The following KITLG variants were observed in gnomAD, a reference collection of about 807,000 sequenced individuals.
KITLG encodes c-Kit ligand.
In KITLG, 13 loss-of-function variants were observed where a neutral mutation model predicts 34.1. That is an observed-to-expected ratio of 0.38 (90% CI 0.25 to 0.61). KITLG has a LOEUF of 0.61. KITLG is among the 20% of genes least tolerant of loss of function. The probability of loss-of-function intolerance (pLI) is 0.60; values close to 1 mark genes in which losing one functional copy is unlikely to be tolerated. For missense variants in KITLG, 292 were observed against 318.9 expected, an observed-to-expected ratio of 0.92 and a Z score of 0.64; for synonymous variants, 110 against 104.0, an observed-to-expected ratio of 1.06 and a Z score of -0.35.
rs552944001 is a variant in KITLG, at chr12:88,564,780, A to T, written c.15+15484T>A. On this transcript the variant is annotated intron_variant, in intron 1 of 9. Transcript: ENST00000644744. The stretch of plus-strand genomic sequence containing the variant: ...AACACAGATCATGCTCTAAGTTTGT[A>T]TCATTTTAAACACTTCAGAATTTTT... Among the ~76,000 whole-genome samples, 4 of 152,146 alleles carry T rather than the reference A, an allele frequency of 2.6e-5. No individual in the cohort carries two copies. In the South Asian group the frequency reaches 8.3e-4, roughly 32 times the overall value.
intron 1 of KITLG, among the ~76,000 whole-genome samples, chr12:88,569,982 G>A (rs1222828866): frequency 6.6e-6 from 1 of 152,030 alleles, no homozygotes. Context: ...AGACATAAAC[G>A]ACATTATTAT....
chr12:88,497,880 G>T (rs1185456101), intron 9 of KITLG, among the ~76,000 whole-genome samples: 1 of 152,178 alleles, frequency 6.6e-6, no homozygotes, highest in African/African-American at 2.4e-5. Context: ...GCAGCAGAAA[G>T]ATTTCGTTCA....
intron 6 of KITLG, among the ~76,000 whole-genome samples, chr12:88,508,409 G>A (rs1468882230): frequency 6.6e-6 from 1 of 152,164 alleles, no homozygotes; most frequent in Non-Finnish European, 1.5e-5. Context: ...AACTTGATAA[G>A]TCAGAAATAG....
At position 88,552,723 on chromosome 12, in the gene KITLG, A is replaced by T. The variant is rs547236900; in HGVS notation, c.16-6858T>A. Reference sequence around the variant, plus strand: ...TTATTTGTTCATGCCTCTGAGTAAGATTCTGTTTAAACAAAGGTTTCCAAG... The same window carrying T: ...TTATTTGTTCATGCCTCTGAGTAAGTTTCTGTTTAAACAAAGGTTTCCAAG... On this transcript the variant is annotated intron_variant, in intron 1 of 9. Coordinates refer to ENST00000644744, the MANE Select transcript of KITLG (RefSeq NM_000899.5). Among the ~76,000 whole-genome samples, 4 of 151,974 alleles carry T rather than the reference A, an allele frequency of 2.6e-5. No homozygotes were observed. In the South Asian group the frequency reaches 8.3e-4, roughly 32 times the overall value.
chr12:88,527,790 C>A (rs1186359099), intron 3 of KITLG, among the ~76,000 whole-genome samples: 2 of 152,188 alleles, frequency 1.3e-5, no homozygotes, highest in East Asian at 3.9e-4. Flanking sequence ...CAAATCATCA[C>A]TTTCGTAGCA....
intron 1 of KITLG, among the ~76,000 whole-genome samples, chr12:88,579,640 A>G (rs1871944759): frequency 6.6e-6 from 1 of 152,086 alleles, no homozygotes; most frequent in Non-Finnish European, 1.5e-5. Context: ...TGGAGGTACT[A>G]GAGCTCTTTA....
At chr12:88,561,031 A>T (rs1871282702) in intron 1 of KITLG, among the ~76,000 whole-genome samples, 1 of 151,544 alleles carries the variant, frequency 6.6e-6, no homozygotes, top group Admixed American at 6.6e-5. Context: ...ACTCATGCAC[A>T]GAGAAGTGGT....
chr12:88,523,418 G>C (rs967101482), intron 3 of KITLG, among the ~76,000 whole-genome samples: 26 of 152,298 alleles, frequency 1.7e-4, no homozygotes, highest in South Asian at 4.1e-4. Context: ...ACATAAAACT[G>C]AAGTGTTTTT....
chr12:88,554,248 C>T (rs1222535381), intron 1 of KITLG, among the ~76,000 whole-genome samples: 1 of 152,064 alleles, frequency 6.6e-6, no homozygotes, highest in Non-Finnish European at 1.5e-5. Flanking sequence ...TACCAATCCT[C>T]TAAACTTGGA....
At chr12:88,498,108 A>G (rs1868710866) in intron 9 of KITLG, among the ~76,000 whole-genome samples, 1 of 152,190 alleles carries the variant, frequency 6.6e-6, no homozygotes, top group Non-Finnish European at 1.5e-5. Flanking sequence ...CTTAAAAAAA[A>G]TACATATAGA....
intron 1 of KITLG, among the ~76,000 whole-genome samples, chr12:88,546,767 T>C (rs1303593738): frequency 6.6e-6 from 1 of 152,170 alleles, no homozygotes; most frequent in Non-Finnish European, 1.5e-5. Context: ...ATTGAATATA[T>C]ATTATGCAAC....
At chr12:88,569,735 T>C (rs1871577015) in intron 1 of KITLG, among the ~76,000 whole-genome samples, 1 of 152,204 alleles carries the variant, frequency 6.6e-6, no homozygotes, top group Admixed American at 6.5e-5. Context: ...TTCTGTTGTC[T>C]CCTTTACCTG....
chr12:88,502,817 A>G (rs17423825), intron 9 of KITLG, among the ~76,000 whole-genome samples: 2,698 of 152,216 alleles, frequency 0.018, 79 homozygotes, highest in Admixed American at 0.079. Context: ...TGAGCATTTG[A>G]GCATTTAAGA....
chr12:88,547,947 T>C (rs1319376631), intron 1 of KITLG, among the ~76,000 whole-genome samples: 1 of 152,098 alleles, frequency 6.6e-6, no homozygotes, highest in African/African-American at 2.4e-5. Context: ...TCAACAAACA[T>C]AAGTAACTAG....
At position 88,493,525 on chromosome 12, in the gene KITLG, T is replaced by C. The variant is rs1175014801; in HGVS notation, c.*3694A>G. ...AGAATTTCAATCTGAATGGTTTTAT[T>C]TTAAAGCCAATTTCAAAATAATATT... On this transcript the variant is annotated 3_prime_UTR_variant, in exon 10 of 10. Coordinates refer to ENST00000644744, the MANE Select transcript of KITLG (RefSeq NM_000899.5). The C allele has an allele frequency of 6.6e-6, 1 of 152,068 alleles. No individual in the cohort carries two copies. Among genetic ancestry groups the C allele is most frequent in the Non-Finnish European group, 1.5e-5 (1 of 67,874 alleles). 9.4% of individuals were successfully genotyped at this position (152,068 alleles called of 1,614,324 possible). A position where few individuals can be genotyped will look rare whatever the true frequency, so the allele number is the denominator to read the frequency against.
chr12:88,500,353 T>G (rs1868804785), intron 9 of KITLG, among the ~76,000 whole-genome samples: 1 of 152,222 alleles, frequency 6.6e-6, no homozygotes, highest in Non-Finnish European at 1.5e-5. Flanking sequence ...AATTCACAAC[T>G]TGTATGAACA....
In KITLG at chr12:88,507,100, G is replaced by A. The variant is rs1441581741; in HGVS notation, c.642C>T (p.His214=). 6.2e-7 allele frequency: 1 copy of A among 1,613,734 alleles called. No individual in the cohort carries two copies. Among genetic ancestry groups the A allele is most frequent in the East Asian group, 2.2e-5 (1 of 44,846 alleles). The part of the protein sequence containing the change: ...AKNPPGDSSL[H]WAAMALPALF... Reference sequence around the variant, plus strand: ...ATGCTGGCAATGCCATGGCTGCCCAGTGTAGGCTGGAGTCTCCAGGGGGAT... The same window carrying A: ...ATGCTGGCAATGCCATGGCTGCCCAATGTAGGCTGGAGTCTCCAGGGGGAT... The change falls in exon 7 of 10, where the codon CAC becomes CAT. Residue 214 remains histidine, a synonymous_variant. Coordinates refer to ENST00000644744, the MANE Select transcript of KITLG (RefSeq NM_000899.5).
In KITLG at chr12:88,524,693, C is replaced by T. The variant is rs924429534; in HGVS notation, c.193-5826G>A. Among the ~76,000 whole-genome samples the T allele has an allele frequency of 5.0e-4, 76 of 152,080 alleles. 1 individual carries two copies. The highest frequency in any genetic ancestry group is 1.8e-3 in the African/African-American group (76 of 41,502). On this transcript the variant is annotated intron_variant, in intron 3 of 9. Transcript: ENST00000644744. Reference sequence around the variant, plus strand: ...ATGGCCTAGATAATCTGAACAGCATCTTAATATAATCACTTATTAGGAAGA... The same window carrying T: ...ATGGCCTAGATAATCTGAACAGCATTTTAATATAATCACTTATTAGGAAGA...
chr12:88,553,802 T>A (rs1428056050), intron 1 of KITLG, among the ~76,000 whole-genome samples: 1 of 152,164 alleles, frequency 6.6e-6, no homozygotes, highest in East Asian at 1.9e-4. Flanking sequence ...TAGAGGGAAG[T>A]AATACTGACT....
Sources: gnomAD v4.1 joint callset for allele counts (sites outside exome capture counted in the v4.1 genomes callset) on GRCh38, gnomAD v4.1.1 for gene constraint, MANE v1.5 for transcripts, NCBI Gene and HGNC (gene_info 2026-07-23, HGNC 2026-07-21) for gene names.